Variants in DPYD observed in about 807,000 individuals in gnomAD.
DPYD encodes the protein dihydropyrimidine dehydrogenase, also known as dihydropyrimidine dehydrogenase [NADP(+)].
DPYD carries 109 observed loss-of-function variants against 116.2 expected under a neutral mutation model. The observed-to-expected ratio is 0.94, with a 90% CI of 0.80 to 1.10. The LOEUF is 1.10. Among genes scored for constraint, DPYD ranks in the 50% least tolerant of loss-of-function variants. The pLI is 0.00. For synonymous variants in DPYD, 440 were observed against 432.0 expected (o/e 1.02, Z -0.23); for missense variants, 1,302 against 1,254.5 (o/e 1.04, Z -0.57).
chr1:97,177,506 A>G (rs1657367729), intron 20 of DPYD, among the ~76,000 whole-genome samples: 1 of 152,020 alleles, frequency 6.6e-6, no homozygotes, highest in Admixed American at 6.6e-5. Context: ...GTGAGTACGG[A>G]TGACATTTTC....
At chr1:97,366,389 T>C (rs1671042241) in intron 16 of DPYD, among the ~76,000 whole-genome samples, 1 of 152,216 alleles carries the variant, frequency 6.6e-6, no homozygotes, top group Non-Finnish European at 1.5e-5. Context: ...CCAATGAATA[T>C]GGCTAACATC....
intron 20 of DPYD, among the ~76,000 whole-genome samples, chr1:97,112,201 A>T (rs548573666): frequency 1.1e-3 from 164 of 152,234 alleles, no homozygotes; most frequent in Admixed American, 2.6e-3. Flanking sequence ...CTTGTGCTTA[A>T]TATTACGATA....
chr1:97,085,769 T>G (rs1049304088), intron 21 of DPYD, among the ~76,000 whole-genome samples: 2 of 152,178 alleles, frequency 1.3e-5, no homozygotes, highest in African/African-American at 4.8e-5. Context: ...CACACATCTG[T>G]GGAGATCAGG....
chr1:97,833,231 C>T (rs1327209925), intron 2 of DPYD, among the ~76,000 whole-genome samples: 1 of 151,928 alleles, frequency 6.6e-6, no homozygotes, highest in Admixed American at 6.6e-5. Context: ...GTTTAAGTCT[C>T]AGAATTACTA....
chr1:97,368,929 T>C (rs1252967763), intron 16 of DPYD, among the ~76,000 whole-genome samples: 1 of 152,168 alleles, frequency 6.6e-6, no homozygotes, highest in African/African-American at 2.4e-5. Context: ...TAATAGGATT[T>C]TTTTGCCACC....
At chr1:97,714,374 G>A (rs1571235199) in intron 5 of DPYD, among the ~76,000 whole-genome samples, 2 of 151,914 alleles carry the variant, frequency 1.3e-5, no homozygotes, top group South Asian at 4.2e-4. Context: ...CACCACAGCT[G>A]GCTAATTTTT....
At chr1:97,583,465 T>G (rs957484341) in intron 10 of DPYD, among the ~76,000 whole-genome samples, 3 of 152,136 alleles carry the variant, frequency 2.0e-5, no homozygotes, top group Non-Finnish European at 4.4e-5. Context: ...GCTGTTGGAG[T>G]ATCTCACAAA....
At chr1:97,634,356 C>A (rs943094967) in intron 8 of DPYD, among the ~76,000 whole-genome samples, 3 of 151,972 alleles carry the variant, frequency 2.0e-5, no homozygotes, top group Admixed American at 6.6e-5. Context: ...GGAACACCAA[C>A]AAAAACTTTG....
In DPYD at chr1:97,322,110, G is replaced by A. The variant is rs1469959779; in HGVS notation, c.2059-15813C>T. Among the ~76,000 whole-genome samples, 6 of 130,196 alleles carry A rather than the reference G, an allele frequency of 4.6e-5. No individual in the cohort carries two copies. The East Asian group carries it at 1.5e-3, about 32-fold the overall frequency. 85.4% of individuals were successfully genotyped at this position (130,196 alleles called of 152,430 possible). On this transcript the variant is annotated intron_variant, in intron 16 of 22. Transcript: ENST00000370192. ...GGGGTGGGGGGAGGGGGGAGGGATA[G>A]CATTGGGAGATATACCTAATGCTAG...
intron 20 of DPYD, among the ~76,000 whole-genome samples, chr1:97,156,045 T>C (rs1002817111): frequency 3.3e-5 from 5 of 152,148 alleles, no homozygotes; most frequent in South Asian, 2.1e-4. Context: ...ATGTTGTGAG[T>C]AGCATTGATC....
intron 20 of DPYD, among the ~76,000 whole-genome samples, chr1:97,124,868 G>C (rs1476824206): frequency 6.6e-6 from 1 of 152,036 alleles, no homozygotes; most frequent in African/African-American, 2.4e-5. Context: ...CTAACCAAGA[G>C]GTTCATAAAT....
rs562748161 is a variant in DPYD at position 97,751,360 on chromosome 1, A to G, written c.234-10881T>C. Reference sequence around the variant, plus strand: ...TATATCTATACATATATACATATATATAAACACACACATATATATACATAT... The same window carrying G: ...TATATCTATACATATATACATATATGTAAACACACACATATATATACATAT... On this transcript the variant is annotated intron_variant, in intron 3 of 22. Coordinates refer to ENST00000370192, the MANE Select transcript of DPYD (RefSeq NM_000110.4). 1.8e-4 allele frequency among the ~76,000 whole-genome samples: 27 copies of G among 146,252 alleles called. No homozygotes were observed. In the East Asian group the frequency reaches 5.2e-3, roughly 28 times the overall value.
At chr1:97,404,964 T>TA (rs1673573981) in intron 14 of DPYD, among the ~76,000 whole-genome samples, 1 of 150,342 alleles carries the variant, frequency 6.7e-6, no homozygotes, top group Non-Finnish European at 1.5e-5. Context: ...TTTTTTTTTT[T>TA]ACTTTTTGTA....
intron 20 of DPYD, among the ~76,000 whole-genome samples, chr1:97,172,365 G>A (rs1020729891): frequency 7.2e-5 from 11 of 152,154 alleles, no homozygotes; most frequent in African/African-American, 2.4e-4. Flanking sequence ...TAAGAGGAGG[G>A]AAAGACATGA....
At chr1:97,155,124 T>G (rs1218575398) in intron 20 of DPYD, among the ~76,000 whole-genome samples, 1 of 152,194 alleles carries the variant, frequency 6.6e-6, no homozygotes, top group Non-Finnish European at 1.5e-5. Flanking sequence ...AACGTATATG[T>G]GGCCTGAATA....
intron 2 of DPYD, among the ~76,000 whole-genome samples, chr1:97,870,599 A>C (rs1336664694): frequency 6.6e-6 from 1 of 151,824 alleles, no homozygotes; most frequent in Non-Finnish European, 1.5e-5. Context: ...TACAGCATAC[A>C]CCACATTCCC....
intron 2 of DPYD, among the ~76,000 whole-genome samples, chr1:97,851,152 T>C (rs1197331667): frequency 6.6e-6 from 1 of 151,750 alleles, no homozygotes; most frequent in Non-Finnish European, 1.5e-5. Context: ...AATACAAAAA[T>C]ATATAGGGAA....
chr1:97,707,910 GA>G (rs1353551517), intron 5 of DPYD, among the ~76,000 whole-genome samples: 2 of 152,034 alleles, frequency 1.3e-5, no homozygotes, highest in Non-Finnish European at 2.9e-5. Flanking sequence ...AGTTCTTTAT[GA>G]AGTATGTCTT....
At chr1:97,732,116 C>T (rs916433494) in intron 4 of DPYD, among the ~76,000 whole-genome samples, 2 of 152,074 alleles carry the variant, frequency 1.3e-5, no homozygotes, top group African/African-American at 4.8e-5. Flanking sequence ...AGCTTACAGG[C>T]TTTTCAAATC....
Sources: allele counts gnomAD v4.1 joint callset (sites outside exome capture counted in the v4.1 genomes callset), GRCh38; gene constraint gnomAD v4.1.1; transcripts MANE v1.5; gene names NCBI Gene and HGNC (gene_info 2026-07-23, HGNC 2026-07-21).